Variants in MYOZ3 observed in about 807,000 individuals in gnomAD.
The protein encoded by MYOZ3 is myozenin-3.
Under a neutral mutation model 26.5 loss-of-function variants are expected in MYOZ3, and 19 were observed. The ratio of observed to expected loss-of-function variants is 0.72; its 90% confidence interval spans 0.50 to 1.05. The LOEUF is 1.05. Among genes scored for constraint, MYOZ3 ranks in the 50% least tolerant of loss-of-function variants. MYOZ3 has a pLI of 0.00. For missense variants in MYOZ3, 322 were observed against 337.1 expected (o/e 0.96, Z 0.35); for synonymous variants, 135 against 138.8 (o/e 0.97, Z 0.19).
intron 2 of MYOZ3, among the ~76,000 whole-genome samples, chr5:150,666,597 G>A (rs1437849246): frequency 4.1e-4 from 52 of 127,180 alleles, no homozygotes; most frequent in African/African-American, 1.5e-3. Flanking sequence ...CTGGGCAACA[G>A]AGCAAGACTC....
At chr5:150,672,711 C>T in intron 6 of MYOZ3, 1 of 568,544 alleles carries the variant, frequency 1.8e-6, no homozygotes, top group East Asian at 3.2e-5. Flanking sequence ...AGTGAAGGTG[C>T]CGCACATCTT....
rs753101754 is a variant in MYOZ3, at chr5:150,662,949, C to A, written c.8C>A (p.Pro3His). ...GGGTCTCTCCTCCACAGGATGATCC[C>A]CAAGGAGCAGAAGGGGCCAGTGATG... MI[P>H]KEQKGPVMAA... Residue 3 changes from proline to histidine, a missense_variant, in exon 2 of 7, where the codon CCC becomes CAC. Transcript: ENST00000517768. 10 of 1,611,650 alleles carry A rather than the reference C, an allele frequency of 6.2e-6. No homozygotes were observed. The highest frequency in any genetic ancestry group is 7.6e-6 in the Non-Finnish European group (9 of 1,179,040).
chr5:150,666,650 C>T (rs1449714731), intron 2 of MYOZ3, among the ~76,000 whole-genome samples: 10 of 141,448 alleles, frequency 7.1e-5, no homozygotes, highest in Non-Finnish European at 1.5e-4. Context: ...TATATATATA[C>T]ACACACATAT....
intron 5 of MYOZ3, 63 bp from the exon 6 acceptor site, chr5:150,672,277 C>A (rs753333369): frequency 1.3e-6 from 2 of 1,546,356 alleles, no homozygotes; most frequent in South Asian, 2.4e-5. Flanking sequence ...GGGGGTGGGG[C>A]GAGGTGGGGT....
chr5:150,676,875 GC>G lies in MYOZ3; in HGVS notation c.*3del. ...ACCTCCCAGAGTCCGAGGAGCTGTA[GC>G]CCTAGCCTGAATCTTCAGTTCCCCA... On this transcript the variant is annotated 3_prime_UTR_variant, in exon 7 of 7. Coordinates refer to ENST00000517768, the MANE Select transcript of MYOZ3 (RefSeq NM_001122853.3). 6.2e-7 allele frequency: 1 copy of G among 1,605,998 alleles called. No homozygotes were observed.
intron 2 of MYOZ3, chr5:150,670,278 G>A: frequency 4.1e-6 from 2 of 482,982 alleles, no homozygotes; most frequent in East Asian, 3.4e-5. Context: ...AAACTTCACT[G>A]AGCAACAAAC....
At position 150,671,581 on chromosome 5, in the gene MYOZ3, A is replaced by AC. The variant is rs754010517; in HGVS notation, c.217-11dup. The AC allele has an allele frequency of 6.2e-7, 1 of 1,611,716 alleles. No homozygotes were observed. Among genetic ancestry groups the AC allele is most frequent in the African/African-American group, 1.3e-5 (1 of 74,110 alleles). ...GCTGAGCTTCTCTGCGGTTTATTCT[A>AC]CCCCCTCGTTCCCAGATGCTGGCCG... On this transcript the variant is annotated splice_polypyrimidine_tract_variant and intron_variant, in intron 3 of 6. Coordinates refer to ENST00000517768, the MANE Select transcript of MYOZ3 (RefSeq NM_001122853.3).
At chr5:150,670,221 A>T in intron 2 of MYOZ3, 1 of 328,074 alleles carries the variant, frequency 3.0e-6, no homozygotes. Context: ...TGCATGGGGA[A>T]TTCATGCAAT....
chr5:150,662,810 C>T, intron 1 of MYOZ3, 131 bp from the exon 2 acceptor site: 1 of 755,624 alleles, frequency 1.3e-6, no homozygotes, highest in Admixed American at 2.6e-5. Context: ...CCAGCTCAGA[C>T]ATCCCTTGCT....
At chr5:150,668,996 A>T (rs2151446459) in intron 2 of MYOZ3, 1 of 152,300 alleles carries the variant, frequency 6.6e-6, no homozygotes, top group South Asian at 2.1e-4. Flanking sequence ...CCTCCTCAGC[A>T]CCACTACTTA....
At position 150,676,879 on chromosome 5, in the gene MYOZ3, T is replaced by A. The variant is rs1411207341; in HGVS notation, c.*4T>A. ...CCCAGAGTCCGAGGAGCTGTAGCCCTAGCCTGAATCTTCAGTTCCCCAGTC... is the reference window on the plus strand; with the variant it reads ...CCCAGAGTCCGAGGAGCTGTAGCCCAAGCCTGAATCTTCAGTTCCCCAGTC... On this transcript the variant is annotated 3_prime_UTR_variant, in exon 7 of 7. Coordinates refer to ENST00000517768, the MANE Select transcript of MYOZ3 (RefSeq NM_001122853.3). 2.5e-6 allele frequency: 4 copies of A among 1,603,818 alleles called. No homozygotes were observed. The highest frequency in any genetic ancestry group is 1.3e-5 in the African/African-American group (1 of 74,594).
At position 150,662,924 on chromosome 5, in the gene MYOZ3, G is replaced by T; in HGVS notation, c.-1-17G>T. 6.2e-7 allele frequency: 1 copy of T among 1,607,870 alleles called. No individual in the cohort carries two copies. On this transcript the variant is annotated splice_polypyrimidine_tract_variant and intron_variant, in intron 1 of 6. Coordinates refer to ENST00000517768, the MANE Select transcript of MYOZ3 (RefSeq NM_001122853.3). ...TGGAGGCAGCCTGGTCCATTTATGG[G>T]GGTCTCTCCTCCACAGGATGATCCC...
chr5:150,661,893 T>C (rs1035070194), intron 1 of MYOZ3, among the ~76,000 whole-genome samples: 1 of 152,228 alleles, frequency 6.6e-6, no homozygotes, highest in Non-Finnish European at 1.5e-5. Flanking sequence ...AGGGGGTTTG[T>C]GAACACCCTA....
rs758400546 is a variant in MYOZ3 at position 150,672,514 on chromosome 5, C to T, written c.587+12C>T. 6.5e-7 allele frequency: 1 copy of T among 1,533,508 alleles called. No individual in the cohort carries two copies. The highest frequency in any genetic ancestry group is 1.4e-5 in the African/African-American group (1 of 69,408). 95.0% of individuals were successfully genotyped at this position (1,533,508 alleles called of 1,614,324 possible). Reference sequence around the variant, plus strand: ...CGAAATTTCAACAAGTAAGGCGGGGCGGGCAGCCCGGGGGACAGACCGGGA... The same window carrying T: ...CGAAATTTCAACAAGTAAGGCGGGGTGGGCAGCCCGGGGGACAGACCGGGA... On this transcript the variant is annotated intron_variant, in intron 6 of 6. Transcript: ENST00000517768.
intron 2 of MYOZ3, among the ~76,000 whole-genome samples, chr5:150,669,715 G>T (rs748257680): frequency 7.8e-6 from 1 of 128,236 alleles, no homozygotes; most frequent in Non-Finnish European, 1.5e-5. Context: ...ATGCAATCTC[G>T]GCTTACTGCA....
chr5:150,662,022 A>G (rs987950097), intron 1 of MYOZ3, among the ~76,000 whole-genome samples: 1 of 152,196 alleles, frequency 6.6e-6, no homozygotes, highest in African/African-American at 2.4e-5. Flanking sequence ...AGGGACACCC[A>G]CTAGACTCCA....
intron 5 of MYOZ3, 87 bp from the exon 6 acceptor site, chr5:150,672,253 C>G: frequency 6.5e-7 from 1 of 1,539,336 alleles, no homozygotes; most frequent in Non-Finnish European, 8.8e-7. Flanking sequence ...CTCCTCCAAC[C>G]GCGTCCGCGG....
chr5:150,666,598 A>C (rs1161347112), intron 2 of MYOZ3, among the ~76,000 whole-genome samples: 3 of 144,692 alleles, frequency 2.1e-5, no homozygotes, highest in African/African-American at 7.7e-5. Flanking sequence ...TGGGCAACAG[A>C]GCAAGACTCT....
At chr5:150,668,474 T>A (rs891063905) in intron 2 of MYOZ3, among the ~76,000 whole-genome samples, 3 of 152,258 alleles carry the variant, frequency 2.0e-5, no homozygotes, top group Non-Finnish European at 4.4e-5. Flanking sequence ...GCTCCTGGCT[T>A]GGTTCCTCCT....
Sources: allele counts gnomAD v4.1 joint callset (sites outside exome capture counted in the v4.1 genomes callset), GRCh38; gene constraint gnomAD v4.1.1; transcripts MANE v1.5; gene names NCBI Gene and HGNC (gene_info 2026-07-23, HGNC 2026-07-21).